The following WDPCP variants were observed in gnomAD, a reference collection of about 807,000 sequenced individuals.
WDPCP encodes WD repeat-containing and planar cell polarity effector protein fritz homolog.
A neutral mutation model predicts 93.1 loss-of-function variants in WDPCP; 71 were observed. That is an observed-to-expected ratio of 0.76 (90% CI 0.63 to 0.93). The LOEUF is 0.93. WDPCP is among the 40% of genes least tolerant of loss of function. The pLI is 0.00. For synonymous variants in WDPCP, 315 were observed against 315.0 expected (o/e 1.00, Z 0.00); for missense variants, 844 against 887.4 (o/e 0.95, Z 0.62).
chr2:63,133,324 G>A (rs1670409741), intron 17 of WDPCP, among the ~76,000 whole-genome samples: 1 of 152,204 alleles, frequency 6.6e-6, no homozygotes, highest in South Asian at 2.1e-4. Flanking sequence ...TTAAGGCCAT[G>A]CTTGTCTCCT....
At chr2:63,474,726 G>A (rs1699873416) in intron 6 of WDPCP, among the ~76,000 whole-genome samples, 1 of 152,092 alleles carries the variant, frequency 6.6e-6, no homozygotes, top group Non-Finnish European at 1.5e-5. Flanking sequence ...TTAGTTCAGT[G>A]TTGGGTTCAC....
At chr2:63,371,512 T>C (rs1000510784) in intron 12 of WDPCP, among the ~76,000 whole-genome samples, 1 of 152,156 alleles carries the variant, frequency 6.6e-6, no homozygotes, top group Non-Finnish European at 1.5e-5. Context: ...AAGTCCTGTA[T>C]GACCTGGCCA....
At chr2:63,238,896 A>T (rs1230919753) in intron 14 of WDPCP, among the ~76,000 whole-genome samples, 1 of 152,202 alleles carries the variant, frequency 6.6e-6, no homozygotes, top group African/African-American at 2.4e-5. Flanking sequence ...ACCAGAACCC[A>T]AACCAAAAAA....
intron 2 of WDPCP, among the ~76,000 whole-genome samples, chr2:63,749,116 G>A (rs767123863): frequency 6.6e-6 from 1 of 152,060 alleles, no homozygotes; most frequent in Admixed American, 6.6e-5. Flanking sequence ...AAAGGGATGG[G>A]TTTATTTCCA....
intron 2 of WDPCP, among the ~76,000 whole-genome samples, chr2:63,756,771 T>C (rs1412766893): frequency 2.0e-5 from 3 of 152,244 alleles, no homozygotes; most frequent in Non-Finnish European, 4.4e-5. Context: ...CCAACATTTA[T>C]ATGGCACATA....
intron 14 of WDPCP, among the ~76,000 whole-genome samples, chr2:63,240,040 T>G (rs1436595826): frequency 6.6e-6 from 1 of 152,166 alleles, no homozygotes; most frequent in Non-Finnish European, 1.5e-5. Context: ...AAAATTTTAC[T>G]GCTGGAAAAG....
chr2:63,363,175 C>G (rs1253324867), intron 12 of WDPCP, among the ~76,000 whole-genome samples: 1 of 152,020 alleles, frequency 6.6e-6, no homozygotes, highest in South Asian at 2.1e-4. Flanking sequence ...TATATCACTT[C>G]CACTTTGCAA....
intron 2 of WDPCP, among the ~76,000 whole-genome samples, chr2:63,758,871 G>A (rs1004671271): frequency 2.6e-5 from 4 of 152,098 alleles, no homozygotes; most frequent in South Asian, 2.1e-4. Flanking sequence ...TCAGACTCCC[G>A]AGTTCAAGCA....
chr2:63,329,078 T>G (rs1416555631), intron 12 of WDPCP, among the ~76,000 whole-genome samples: 1 of 152,156 alleles, frequency 6.6e-6, no homozygotes, highest in Non-Finnish European at 1.5e-5. Flanking sequence ...ATTAGCAAAT[T>G]TTTAAGTATG....
chr2:63,755,632 T>A (rs894829190), intron 2 of WDPCP, among the ~76,000 whole-genome samples: 1 of 152,258 alleles, frequency 6.6e-6, no homozygotes. Context: ...AAAATTGTTC[T>A]TGTCTATAGA....
intron 6 of WDPCP, chr2:63,440,467 T>C (rs1697433714): frequency 1.3e-5 from 2 of 152,174 alleles, no homozygotes; most frequent in South Asian, 4.1e-4. Context: ...TCAGAAACAA[T>C]TTCACAAGGA....
intron 6 of WDPCP, among the ~76,000 whole-genome samples, chr2:63,446,733 T>C (rs540776935): frequency 3.2e-4 from 49 of 152,336 alleles, no homozygotes; most frequent in Non-Finnish European, 5.6e-4. Flanking sequence ...TGATGACTAA[T>C]GCTACTTTTC....
chr2:63,494,636 C>T (rs1701108719), intron 1 of WDPCP, among the ~76,000 whole-genome samples: 1 of 152,014 alleles, frequency 6.6e-6, no homozygotes, highest in Admixed American at 6.6e-5. Flanking sequence ...GATGGCATGA[C>T]CCGGCCAGGC....
chr2:63,538,427 C>G (rs932566068), intron 1 of WDPCP, among the ~76,000 whole-genome samples: 3 of 152,060 alleles, frequency 2.0e-5, no homozygotes, highest in Non-Finnish European at 4.4e-5. Flanking sequence ...GAGTTTAGAG[C>G]TTTCATAACT....
At chr2:63,530,440 G>A (rs897987003) in intron 1 of WDPCP, among the ~76,000 whole-genome samples, 1 of 152,128 alleles carries the variant, frequency 6.6e-6, no homozygotes, top group Admixed American at 6.5e-5. Context: ...CTTTATTTCA[G>A]GGCAGGTATG....
intron 12 of WDPCP, among the ~76,000 whole-genome samples, chr2:63,351,243 A>T: frequency 6.6e-6 from 1 of 152,100 alleles, no homozygotes; most frequent in Non-Finnish European, 1.5e-5. Flanking sequence ...CGGCCTCCCA[A>T]AGTGCTGGGA....
rs896849527 is a variant in WDPCP at position 63,595,523 on chromosome 2, G to T, written n.488+55136C>A. ...TGTGCCCTTCCCCTCCTGAAAGGTG[G>T]GTTGGGGAGTAGAGAAGGGATTTTA... is the stretch of plus-strand genomic sequence containing the variant. On this transcript the variant is annotated intron_variant and non_coding_transcript_variant, in intron 3 of 4. Transcript: ENST00000467687. The T allele has an allele frequency of 9.5e-6, 15 of 1,579,294 alleles. No individual in the cohort carries two copies. In the East Asian group the frequency reaches 3.1e-4, roughly 33 times the overall value.
intron 10 of WDPCP, among the ~76,000 whole-genome samples, chr2:63,385,490 A>G (rs1450142630): frequency 6.6e-5 from 10 of 152,162 alleles, no homozygotes; most frequent in Non-Finnish European, 1.3e-4. Flanking sequence ...ATGAACAATA[A>G]AAATTGTAAT....
chr2:63,639,892 T>C (rs539463888), intron 3 of WDPCP, among the ~76,000 whole-genome samples: 1 of 152,362 alleles, frequency 6.6e-6, no homozygotes, highest in South Asian at 2.1e-4. Flanking sequence ...GAAAACATTA[T>C]GGAAACAATA....
Sources: allele counts gnomAD v4.1 joint callset (sites outside exome capture counted in the v4.1 genomes callset), GRCh38; gene constraint gnomAD v4.1.1; transcripts MANE v1.5; gene names NCBI Gene and HGNC (gene_info 2026-07-23, HGNC 2026-07-21).